Variants in KLHL1 observed in about 807,000 individuals in gnomAD.
KLHL1 encodes the protein kelch like family member 1.
A neutral mutation model predicts 77.7 loss-of-function variants in KLHL1; 47 were observed. That is an observed-to-expected ratio of 0.60 (90% confidence interval 0.48 to 0.77). KLHL1 has a LOEUF of 0.77. KLHL1 is among the 30% of genes least tolerant of loss of function. The probability of loss-of-function intolerance (pLI) is 0.00; values close to 1 mark genes in which losing one functional copy is unlikely to be tolerated. For synonymous variants in KLHL1, 360 were observed against 325.2 expected, an observed-to-expected ratio of 1.11 and a Z score of -1.15; for missense variants, 925 against 910.8, an observed-to-expected ratio of 1.02 and a Z score of -0.20.
chr13:69,961,185 G>T, intron 3 of KLHL1, 123 bp downstream of exon 3: 1 of 843,730 alleles, frequency 1.2e-6, no homozygotes, highest in Non-Finnish European at 1.8e-6. Flanking sequence ...TGATCTACTA[G>T]TTTTCAACTG....
chr13:69,868,878 G>GA (rs901406353), intron 5 of KLHL1, among the ~76,000 whole-genome samples: 1 of 151,924 alleles, frequency 6.6e-6, no homozygotes, highest in African/African-American at 2.4e-5. Context: ...ATTCCTACCT[G>GA]AAAAAAGTAG....
chr13:69,725,685 A>G (rs1475408371), intron 8 of KLHL1, among the ~76,000 whole-genome samples: 1 of 152,192 alleles, frequency 6.6e-6, no homozygotes, highest in Admixed American at 6.5e-5. Flanking sequence ...TGCAATAGAC[A>G]TCATCATTTA....
chr13:69,938,560 T>A (rs1883254258), intron 4 of KLHL1, among the ~76,000 whole-genome samples: 1 of 152,132 alleles, frequency 6.6e-6, no homozygotes, highest in Non-Finnish European at 1.5e-5. Flanking sequence ...ATTATCCCTC[T>A]GGATATGGAG....
At chr13:69,735,572 C>T (rs1873731333) in intron 8 of KLHL1, among the ~76,000 whole-genome samples, 1 of 149,066 alleles carries the variant, frequency 6.7e-6, no homozygotes, top group African/African-American at 2.4e-5. Flanking sequence ...TATAAATAAA[C>T]ACATAATATG....
chr13:70,090,280 G>A (rs1269512590), intron 1 of KLHL1, among the ~76,000 whole-genome samples: 1 of 152,040 alleles, frequency 6.6e-6, no homozygotes, highest in Admixed American at 6.6e-5. Context: ...CCTAGTGAGT[G>A]TTTCTGAGGC....
rs568284457 is a variant in KLHL1, at chr13:69,778,490, T to C, written c.1639+18248A>G. Among the ~76,000 whole-genome samples the C allele has an allele frequency of 1.4e-3, 219 of 151,760 alleles. 1 individual carries two copies. The highest frequency in any genetic ancestry group is 2.4e-3 in the Non-Finnish European group (165 of 68,014). On this transcript the variant is annotated intron_variant, in intron 7 of 10. Transcript: ENST00000377844. ...AAATTCTTAACATCATTGCCGAATA[T>C]AGTATCTTATATTCCTTAATAGAAA...
At chr13:70,010,778 G>C (rs899741746) in intron 1 of KLHL1, among the ~76,000 whole-genome samples, 1 of 151,882 alleles carries the variant, frequency 6.6e-6, no homozygotes, top group Admixed American at 6.6e-5. Flanking sequence ...TGTAATCCCA[G>C]CTACTAGGGA....
At position 69,940,248 on chromosome 13, in the gene KLHL1, C is replaced by A; in HGVS notation, c.818-12G>T. 1 of 1,578,486 alleles carries A rather than the reference C, an allele frequency of 6.3e-7. No homozygotes were observed. The highest frequency in any genetic ancestry group is 8.6e-7 in the Non-Finnish European group (1 of 1,164,526). Reference sequence around the variant, plus strand: ...TAATTCCAAGCAGCCTAAACATAAGCAAAGATAATTATGAAACTCTTTTAA... The same window carrying A: ...TAATTCCAAGCAGCCTAAACATAAGAAAAGATAATTATGAAACTCTTTTAA... On this transcript the variant is annotated splice_polypyrimidine_tract_variant and intron_variant, in intron 3 of 10. Transcript: ENST00000377844.
rs188642354 is a variant in KLHL1 at position 69,889,528 on chromosome 13, C to A, written c.1015-7033G>T. Among the ~76,000 whole-genome samples, 117 of 152,136 alleles carry A rather than the reference C, an allele frequency of 7.7e-4. 1 individual carries two copies. The highest frequency in any genetic ancestry group is 2.6e-3 in the African/African-American group (108 of 41,530). On this transcript the variant is annotated intron_variant, in intron 4 of 10. Coordinates refer to ENST00000377844, the MANE Select transcript of KLHL1 (RefSeq NM_020866.3). ...TTTTTTTCTGGTTCTCCTCACCCAT[C>A]TATTTTGAGCTTAATGTCTTACTTT...
chr13:69,781,285 C>CTTTTTTTTTTTTTTTTTTT (rs869083780), intron 7 of KLHL1, among the ~76,000 whole-genome samples: 4 of 119,710 alleles, frequency 3.3e-5, no homozygotes, highest in African/African-American at 6.4e-5. Context: ...TTTTTTCTTT[C>CTTTTTTTTTTTTTTTTTTT]TTTTTTTTTT....
intron 7 of KLHL1, among the ~76,000 whole-genome samples, chr13:69,762,299 C>T (rs1875064851): frequency 6.6e-6 from 1 of 151,996 alleles, no homozygotes; most frequent in South Asian, 2.1e-4. Context: ...AATCTACTTC[C>T]CATGGAAAAC....
intron 6 of KLHL1, among the ~76,000 whole-genome samples, chr13:69,835,045 T>C (rs2138101310): frequency 6.6e-6 from 1 of 152,260 alleles, no homozygotes; most frequent in Admixed American, 6.5e-5. Context: ...TACTCCAAAA[T>C]TAATTAACTA....
chr13:69,759,096 C>T (rs1349720285), intron 7 of KLHL1, among the ~76,000 whole-genome samples: 6 of 149,756 alleles, frequency 4.0e-5, no homozygotes, highest in Non-Finnish European at 6.0e-5. Context: ...CACCTCCCAG[C>T]AGGGAGGCAA....
chr13:69,814,377 A>G (rs1878031056), intron 6 of KLHL1, among the ~76,000 whole-genome samples: 1 of 152,186 alleles, frequency 6.6e-6, no homozygotes, highest in South Asian at 2.1e-4. Context: ...AAGCAAATGA[A>G]GCCAAAACAA....
chr13:69,721,139 C>G (rs1873044794), intron 8 of KLHL1, among the ~76,000 whole-genome samples: 1 of 100,054 alleles, frequency 1.0e-5, no homozygotes, highest in Non-Finnish European at 2.1e-5. Flanking sequence ...AGACAGAACT[C>G]AAAGTCATCC....
At chr13:69,734,148 T>C (rs1210304794) in intron 8 of KLHL1, among the ~76,000 whole-genome samples, 1 of 152,166 alleles carries the variant, frequency 6.6e-6, no homozygotes, top group African/African-American at 2.4e-5. Context: ...CTCTTGGTAC[T>C]GTCCTTACAA....
chr13:70,100,244 C>T (rs536309857), intron 1 of KLHL1, among the ~76,000 whole-genome samples: 1 of 151,942 alleles, frequency 6.6e-6, no homozygotes, highest in South Asian at 2.1e-4. Context: ...GAGTCTTTCA[C>T]ATCTTTTCTC....
intron 4 of KLHL1, 47 bp downstream of exon 4, chr13:69,939,993 G>A: frequency 7.1e-7 from 1 of 1,413,480 alleles, no homozygotes; most frequent in Non-Finnish European, 9.6e-7. Context: ...TTTTACCTCT[G>A]ATAACACAGA....
intron 4 of KLHL1, among the ~76,000 whole-genome samples, chr13:69,933,280 A>G (rs76264917): frequency 0.058 from 8,781 of 152,240 alleles, 431 homozygotes; most frequent in African/African-American, 0.13. Context: ...AACATTAAAA[A>G]TCATTTAATA....
Sources: gnomAD v4.1 joint callset for allele counts (sites outside exome capture counted in the v4.1 genomes callset) on GRCh38, gnomAD v4.1.1 for gene constraint, MANE v1.5 for transcripts, NCBI Gene and HGNC (gene_info 2026-07-23, HGNC 2026-07-21) for gene names.